The following ZFYVE9 variants were observed in gnomAD, a reference collection of about 807,000 sequenced individuals.
The protein encoded by ZFYVE9 is zinc finger FYVE domain-containing protein 9.
Under a neutral mutation model 126.7 loss-of-function variants are expected in ZFYVE9, and 43 were observed. The observed-to-expected ratio is 0.34, with a 90% confidence interval of 0.27 to 0.44. The LOEUF (loss-of-function observed/expected upper bound fraction) is 0.44, where lower values mean the gene tolerates loss of function less well. Among genes scored for constraint, ZFYVE9 ranks in the 20% least tolerant of loss-of-function variants. ZFYVE9 has a pLI of 1.00. For missense variants in ZFYVE9, 1,476 were observed against 1,697.0 expected, an observed-to-expected ratio of 0.87 and a Z score of 2.29; for synonymous variants, 521 against 597.4, an observed-to-expected ratio of 0.87 and a Z score of 1.87.
chr1:52,225,946 A>G (rs71653035), intron 2 of ZFYVE9, among the ~76,000 whole-genome samples: 1 of 152,064 alleles, frequency 6.6e-6, no homozygotes, highest in Non-Finnish European at 1.5e-5. Flanking sequence ...AGAAAGAAAA[A>G]CAGCTCTCTC....
At chr1:52,245,655 A>G (rs1199761781) in intron 4 of ZFYVE9, among the ~76,000 whole-genome samples, 1 of 152,200 alleles carries the variant, frequency 6.6e-6, no homozygotes, top group Non-Finnish European at 1.5e-5. Context: ...TCTAGAACCA[A>G]AAGGGAGCTA....
intron 1 of ZFYVE9, among the ~76,000 whole-genome samples, chr1:52,189,270 TC>T (rs1240121805): frequency 6.7e-6 from 1 of 149,196 alleles, no homozygotes; most frequent in Non-Finnish European, 1.5e-5. Context: ...AGGATCTCAC[TC>T]TGTTACCCAG....
chr1:52,311,255 G>A (rs1177374642), intron 13 of ZFYVE9, among the ~76,000 whole-genome samples: 2 of 131,758 alleles, frequency 1.5e-5, no homozygotes, highest in East Asian at 4.7e-4. Context: ...AATAGACCTT[G>A]GATTGATTTT....
chr1:52,297,809 A>G (rs973641496), intron 12 of ZFYVE9, among the ~76,000 whole-genome samples: 8 of 151,632 alleles, frequency 5.3e-5, no homozygotes, highest in Non-Finnish European at 8.8e-5. Flanking sequence ...TGCAACCTCC[A>G]TCTCCTGGGT....
chr1:52,187,436 C>T (rs1403564455), intron 1 of ZFYVE9, among the ~76,000 whole-genome samples: 1 of 152,136 alleles, frequency 6.6e-6, no homozygotes, highest in Non-Finnish European at 1.5e-5. Flanking sequence ...ACACCAAAAG[C>T]CATTGCAACA....
intron 17 of ZFYVE9, among the ~76,000 whole-genome samples, chr1:52,344,062 C>G (rs1436012414): frequency 6.9e-6 from 1 of 144,570 alleles, no homozygotes; most frequent in African/African-American, 2.6e-5. Flanking sequence ...CAGAGTGAGA[C>G]TTTGTTTCCA....
chr1:52,312,953 G>A (rs1408141912), intron 13 of ZFYVE9, among the ~76,000 whole-genome samples: 1 of 152,130 alleles, frequency 6.6e-6, no homozygotes, highest in East Asian at 1.9e-4. Context: ...ATTAGAGCAG[G>A]TCGAAATCCA....
chr1:52,317,454 C>T (rs892387573), intron 13 of ZFYVE9, among the ~76,000 whole-genome samples: 8 of 149,888 alleles, frequency 5.3e-5, no homozygotes, highest in Non-Finnish European at 1.0e-4. Context: ...TGCACTCCAG[C>T]CTGGGTGACA....
intron 2 of ZFYVE9, among the ~76,000 whole-genome samples, chr1:52,217,142 A>G (rs777237954): frequency 1.3e-5 from 2 of 152,250 alleles, no homozygotes; most frequent in Non-Finnish European, 2.9e-5. Context: ...ATGCAAGAGC[A>G]CACCGAACAA....
At chr1:52,169,730 G>A (rs1557435151) in intron 1 of ZFYVE9, among the ~76,000 whole-genome samples, 1 of 152,148 alleles carries the variant, frequency 6.6e-6, no homozygotes, top group Non-Finnish European at 1.5e-5. Flanking sequence ...TCAAGTATTG[G>A]TTGAGTGAAT....
intron 13 of ZFYVE9, among the ~76,000 whole-genome samples, chr1:52,316,164 T>A (rs1168906103): frequency 3.5e-3 from 17 of 4,850 alleles, no homozygotes; most frequent in Non-Finnish European, 6.1e-3. Flanking sequence ...AAACTCCATC[T>A]CAAAAAAAAA....
chr1:52,162,464 A>G lies in ZFYVE9; in HGVS notation c.-143+20061A>G, dbSNP rs116625276. The stretch of plus-strand genomic sequence containing the variant: ...AGAATAATCCACCCGAATTTCTTCT[A>G]TCATCCAGCTCCTTTCTGTTTGCCC... On this transcript the variant is annotated intron_variant, in intron 1 of 18. Transcript: ENST00000287727. 392 of 254,426 alleles carry G rather than the reference A, an allele frequency of 1.5e-3. 2 individuals are homozygous for G. Among genetic ancestry groups the G allele is most frequent in the African/African-American group, 8.6e-3 (380 of 44,134 alleles). The allele number at this position is 254,426 out of a possible 1,614,324, so 15.8% of individuals were successfully genotyped here.
intron 13 of ZFYVE9, among the ~76,000 whole-genome samples, chr1:52,321,778 C>G (rs1004448504): frequency 2.6e-5 from 4 of 152,176 alleles, no homozygotes; most frequent in African/African-American, 4.8e-5. Flanking sequence ...TTCTGGACTC[C>G]TAGGGCATCC....
At chr1:52,310,003 T>C (rs1169387414) in intron 13 of ZFYVE9, among the ~76,000 whole-genome samples, 3 of 152,182 alleles carry the variant, frequency 2.0e-5, no homozygotes, top group African/African-American at 7.2e-5. Context: ...TTGCTCTCGC[T>C]CTGTTGCCCA....
rs1645302453 is a variant in ZFYVE9, at chr1:52,238,750, G to T, written c.1333G>T (p.Ala445Ser). Residue 445 changes from alanine to serine, a missense_variant, in exon 4 of 19, where the codon GCA becomes TCA. Ala to Ser is a moderately conservative substitution (Grantham distance 99). Around this residue, in one of 2 missense-constraint regions of ZFYVE9, gnomAD observed 807 missense variants for 794.6 expected, o/e 1.02. Coordinates refer to ENST00000287727, the MANE Select transcript of ZFYVE9 (RefSeq NM_004799.4). Reference sequence around the variant, plus strand: ...AGGACAGTGTGTTGGATTGGCAGATGCAGGTCTAGATTTAAAAGGAACTTG... The same window carrying T: ...AGGACAGTGTGTTGGATTGGCAGATTCAGGTCTAGATTTAAAAGGAACTTG... ...SGGQCVGLADAGLDLKGTCIS... is the reference protein window; with the variant it reads ...SGGQCVGLADSGLDLKGTCIS... The T allele has an allele frequency of 6.2e-7, 1 of 1,614,084 alleles. No individual in the cohort carries two copies.
Position 52,344,157 on chromosome 1 carries a change from G to C in ZFYVE9, c.3940-611G>C, listed in dbSNP as rs561784183. 5.9e-5 allele frequency among the ~76,000 whole-genome samples: 9 copies of C among 152,110 alleles called. No homozygotes were observed. The South Asian group carries it at 1.9e-3, about 32-fold the overall frequency. The stretch of plus-strand genomic sequence containing the variant: ...CCTTCCTCTATGGTGCTAGGACTTA[G>C]GTCATCAGTTCCAAGTGTGTTCCAC... On this transcript the variant is annotated intron_variant, in intron 17 of 18. Transcript: ENST00000287727.
At chr1:52,234,228 C>T (rs1253167972) in intron 3 of ZFYVE9, among the ~76,000 whole-genome samples, 1 of 152,152 alleles carries the variant, frequency 6.6e-6, no homozygotes, top group Non-Finnish European at 1.5e-5. Context: ...AACAAGTTTA[C>T]AAAGTGGTAT....
intron 1 of ZFYVE9, among the ~76,000 whole-genome samples, chr1:52,182,624 G>C (rs1427740702): frequency 6.6e-6 from 1 of 152,002 alleles, no homozygotes; most frequent in Non-Finnish European, 1.5e-5. Flanking sequence ...GAAGGCTGCA[G>C]GGTCCTCTGC....
At chr1:52,227,880 G>A (rs994778654) in intron 2 of ZFYVE9, among the ~76,000 whole-genome samples, 14 of 152,088 alleles carry the variant, frequency 9.2e-5, no homozygotes, top group African/African-American at 3.4e-4. Context: ...AAATTTCTAT[G>A]TTTGCAGCCA....
Sources: allele counts gnomAD v4.1 joint callset (sites outside exome capture counted in the v4.1 genomes callset), GRCh38; gene constraint gnomAD v4.1.1; regional missense constraint gnomAD v4.1.1; transcripts MANE v1.5; gene names NCBI Gene and HGNC (gene_info 2026-07-23, HGNC 2026-07-21).